COMMD3: variants seen among roughly 807,000 people sequenced by gnomAD.
COMMD3 encodes the protein COMM domain-containing protein 3.
In COMMD3, 31 loss-of-function variants were observed where a neutral mutation model predicts 31.2. The ratio of observed to expected loss-of-function variants is 0.99; its 90% CI spans 0.75 to 1.34. COMMD3 has a LOEUF of 1.34. Among genes scored for constraint, COMMD3 ranks in the 40% most tolerant of loss-of-function variants. COMMD3 has a pLI of 0.00. For missense variants in COMMD3, 274 were observed against 236.9 expected, an observed-to-expected ratio of 1.16 and a Z score of -1.03; for synonymous variants, 108 against 87.3, an observed-to-expected ratio of 1.24 and a Z score of -1.32.
At chr10:22,316,701 A>C (rs1184100227) in intron 1 of COMMD3, 145 bp downstream of exon 1, 8 of 1,322,416 alleles carry the variant, frequency 6.0e-6, no homozygotes, top group Non-Finnish European at 9.8e-7. Context: ...AGTGTTGGGG[A>C]CGTGGCTCTG....
intron 5 of COMMD3, 21 bp downstream of exon 5, chr10:22,318,734 C>T (rs575871348): frequency 6.2e-7 from 1 of 1,612,940 alleles, no homozygotes; most frequent in African/African-American, 1.3e-5. Flanking sequence ...AGAAACTTCT[C>T]TAGCGGGGGA....
Position 22,317,930 on chromosome 10 carries a change from T to A in COMMD3, c.186T>A (p.Cys62Ter), listed in dbSNP as rs1835882235. Residue 62 changes from cysteine (C) to a stop codon, truncating the protein, a stop_gained, in exon 2 of 8, where the codon TGT becomes TGA. Coordinates refer to ENST00000376836, the MANE Select transcript of COMMD3 (RefSeq NM_012071.4). LOFTEE classifies it high-confidence loss of function. ...TCGACCCAGTGGTTTTAAAACATTG[T>A]CATGCAGCAGCTGCAACTTACATAC... ...KHIDPVVLKH[C>*]HAAAATYILE... 6.2e-7 allele frequency: 1 copy of A among 1,613,936 alleles called. No individual in the cohort carries two copies. The highest frequency in any genetic ancestry group is 8.5e-7 in the Non-Finnish European group (1 of 1,179,954).
Position 22,318,280 on chromosome 10 carries a change from G to C in COMMD3, c.324G>C (p.Lys108Asn). The change falls in exon 4 of 8, where the codon AAG becomes AAC. Residue 108 changes from lysine (K) to asparagine (N), a missense_variant. Transcript: ENST00000376836. ...TTCTTTTTTCTCTCCAGAATAATAAGAATTCCCTAGAAATCCTACTGGGAA... is the reference window on the plus strand; with the variant it reads ...TTCTTTTTTCTCTCCAGAATAATAACAATTCCCTAGAAATCCTACTGGGAA... ...ELFCTEYQNN[K>N]NSLEILLGSI... 6.2e-7 allele frequency: 1 copy of C among 1,601,598 alleles called. No homozygotes were observed. Among genetic ancestry groups the C allele is most frequent in the Middle Eastern group, 1.7e-4 (1 of 5,988 alleles).
At position 22,320,038 on chromosome 10, in the gene COMMD3, C is replaced by G. The variant is rs143156676; in HGVS notation, c.*40C>G. On this transcript the variant is annotated 3_prime_UTR_variant, in exon 8 of 8. Coordinates refer to ENST00000376836, the MANE Select transcript of COMMD3 (RefSeq NM_012071.4). Reference sequence around the variant, plus strand: ...CGATCCGCCCGAGTGCAGAGGAAAACCAGAAACGCCTTGCCTTCAGCTGAA... The same window carrying G: ...CGATCCGCCCGAGTGCAGAGGAAAAGCAGAAACGCCTTGCCTTCAGCTGAA... 1,174 of 1,614,052 alleles carry G rather than the reference C, an allele frequency of 7.3e-4. 4 individuals carry two copies. In the African/African-American group the frequency reaches 0.013, roughly 17 times the overall value.
rs766459791 is a variant in COMMD3, at chr10:22,318,708, A to T, written c.406A>T (p.Ile136Leu). ...TGTTTCTTGGCGCTTGGAATATCAG[A>T]TAAAGGTAAAGTTTAAGAAACTTCT... ...TDVSWRLEYQ[I>L]KTNQLHRMYR... The change falls in exon 5 of 8, where the codon ATA (isoleucine) becomes TTA (leucine). Residue 136 changes from isoleucine to leucine, a missense_variant. Transcript: ENST00000376836. 44 of 1,613,400 alleles carry T rather than the reference A, an allele frequency of 2.7e-5. 1 individual carries two copies. The South Asian group carries it at 4.8e-4, about 18-fold the overall frequency.
At chr10:22,318,785 G>A (rs906206163) in intron 5 of COMMD3, 21 bp from the exon 6 acceptor site, 8 of 1,613,766 alleles carry the variant, frequency 5.0e-6, no homozygotes, top group East Asian at 2.2e-5. Context: ...AAGCTGTTGC[G>A]TGTTTGTTGT....
rs1318100608 is a variant in COMMD3, at chr10:22,318,011, A to T, written c.251+16A>T. 1.2e-6 allele frequency: 2 copies of T among 1,612,232 alleles called. No homozygotes were observed. The highest frequency in any genetic ancestry group is 4.5e-5 in the East Asian group (2 of 44,842). On this transcript the variant is annotated intron_variant, in intron 2 of 7. Transcript: ENST00000376836. ...CAACTCTAAGGTACAGGATTTATTT[A>T]AATATCCATTTATTTTCAAATACTA...
intron 3 of COMMD3, 47 bp downstream of exon 3, chr10:22,318,215 CTTTG>C (rs1258885893): frequency 2.7e-5 from 43 of 1,591,822 alleles, no homozygotes; most frequent in Admixed American, 3.7e-5. Context: ...TTTTCTTTTA[CTTTG>C]TTTGTAAAGA....
At chr10:22,318,433 A>G (rs1835896296) in intron 4 of COMMD3, 127 bp downstream of exon 4, 12 of 1,334,180 alleles carry the variant, frequency 9.0e-6, no homozygotes, top group Non-Finnish European at 1.2e-5. Flanking sequence ...CATGTCAAGC[A>G]ATTGAAGTTA....
rs1274054646 is a variant in COMMD3 at position 22,317,981 on chromosome 10, CA to C, written c.239del (p.Lys80SerfsTer4). Reference sequence around the variant, plus strand: ...TAGAGGCAGGAAAGCACCGAGCTGACAAGTCAACTCTAAGGTACAGGATTTA... The same window carrying C: ...TAGAGGCAGGAAAGCACCGAGCTGACAGTCAACTCTAAGGTACAGGATTTA... The part of the protein sequence containing the change: ...ILEAGKHRAD[K>X]STLSTYLEDC... On this transcript the variant is annotated frameshift_variant, in exon 2 of 8. Transcript: ENST00000376836. LOFTEE classifies it high-confidence loss of function. 1.2e-6 allele frequency: 2 copies of C among 1,613,950 alleles called. No individual in the cohort carries two copies. Among genetic ancestry groups the C allele is most frequent in the Non-Finnish European group, 1.7e-6 (2 of 1,179,924 alleles).
In COMMD3 at chr10:22,318,674, T is replaced by A; in HGVS notation, c.372T>A (p.His124Gln). Residue 124 changes from histidine to glutamine, a missense_variant, in exon 5 of 8, where the codon CAT (histidine) becomes CAA (glutamine). Coordinates refer to ENST00000376836, the MANE Select transcript of COMMD3 (RefSeq NM_012071.4). ...TCAGTATAGGCAGATCTCTCCCTCA[T>A]ATAACGGATGTTTCTTGGCGCTTGG... ...LLGSIGRSLP[H>Q]ITDVSWRLEY... 1 of 1,613,326 alleles carries A rather than the reference T, an allele frequency of 6.2e-7. No homozygotes were observed. The highest frequency in any genetic ancestry group is 8.5e-7 in the Non-Finnish European group (1 of 1,179,406).
intron 3 of COMMD3, 40 bp from the exon 4 acceptor site, chr10:22,318,232 T>G (rs771597350): frequency 4.1e-5 from 65 of 1,585,318 alleles, no homozygotes; most frequent in Non-Finnish European, 5.1e-5. Context: ...TGTAAAGATG[T>G]TTTTTTTTCT....
intron 1 of COMMD3, 53 bp downstream of exon 1, chr10:22,316,609 C>G: frequency 7.0e-7 from 1 of 1,431,878 alleles, no homozygotes. Flanking sequence ...GAGGGGCGCT[C>G]GGAGAAGAGG....
chr10:22,319,819 T>C, intron 7 of COMMD3, 120 bp from the exon 8 acceptor site: 3 of 1,249,522 alleles, frequency 2.4e-6, no homozygotes, highest in Non-Finnish European at 2.2e-6. Flanking sequence ...TAAAATCTTG[T>C]TGAATTTTAA....
intron 7 of COMMD3, 117 bp downstream of exon 7, chr10:22,319,135 A>C: frequency 1.7e-6 from 2 of 1,202,964 alleles, no homozygotes; most frequent in South Asian, 1.8e-5. Context: ...GATAATGAAG[A>C]TTGGTTAAGG....
chr10:22,319,593 G>C (rs1835921630), intron 7 of COMMD3: 1 of 180,248 alleles, frequency 5.5e-6, no homozygotes, highest in Non-Finnish European at 1.2e-5. Context: ...ATCTTCTGCA[G>C]AGTCGTTTTA....
intron 7 of COMMD3, 48 bp downstream of exon 7, chr10:22,319,066 A>G: frequency 6.5e-7 from 1 of 1,543,372 alleles, no homozygotes; most frequent in Non-Finnish European, 8.7e-7. Context: ...ATAAATGTTT[A>G]CTTGAGAGTT....
rs997233291 is a variant in COMMD3 at position 22,317,809 on chromosome 10, T to A, written c.140-75T>A. ...TTGTTAAAGGGTTTTTAAACCCAAA[T>A]TAAAATATCCTTTTTGGAACATGAC... On this transcript the variant is annotated intron_variant, in intron 1 of 7. Transcript: ENST00000376836. 3.2e-6 allele frequency: 5 copies of A among 1,539,198 alleles called. No homozygotes were observed. In the Admixed American group the frequency reaches 5.7e-5, roughly 18 times the overall value.
chr10:22,317,794 G>A, intron 1 of COMMD3, 90 bp from the exon 2 acceptor site: 3 of 1,420,860 alleles, frequency 2.1e-6, no homozygotes, highest in Non-Finnish European at 9.7e-7. Flanking sequence ...TTGTTAAAGG[G>A]TTTTTAAACC....
Sources: allele counts gnomAD v4.1 joint callset, GRCh38; gene constraint gnomAD v4.1.1; transcripts MANE v1.5; gene names NCBI Gene and HGNC (gene_info 2026-07-23, HGNC 2026-07-21).